Variants in AUTS2 observed in about 807,000 individuals in gnomAD.
AUTS2 encodes activator of transcription and developmental regulator AUTS2.
Under a neutral mutation model 112.4 loss-of-function variants are expected in AUTS2, and 17 were observed. That is an observed-to-expected ratio of 0.15 (90% confidence interval 0.10 to 0.23). The LOEUF (loss-of-function observed/expected upper bound fraction) is 0.23. Ranked by LOEUF, AUTS2 falls within the 10% of genes least tolerant of loss-of-function variation. The pLI is 1.00. For synonymous variants in AUTS2, 751 were observed against 702.7 expected (o/e 1.07, Z -1.09); for missense variants, 1,510 against 1,701.6 (o/e 0.89, Z 1.98).
intron 2 of AUTS2, among the ~76,000 whole-genome samples, chr7:70,038,574 A>G: frequency 6.6e-6 from 1 of 152,170 alleles, no homozygotes; most frequent in East Asian, 1.9e-4. Context: ...AGTTATAGGA[A>G]ATTTGCATGG....
In AUTS2 at chr7:69,649,231, C is replaced by T. The variant is rs183666705; in HGVS notation, c.309+49269C>T. Among the ~76,000 whole-genome samples, 78 of 152,298 alleles carry T rather than the reference C, an allele frequency of 5.1e-4. 1 individual carries two copies. In the East Asian group the frequency reaches 0.013, roughly 26 times the overall value. ...TTCCTGAGTAAGCTGGAAACCCTAA[C>T]AACAGCCAAAACAAAACAAAAACGG... On this transcript the variant is annotated intron_variant, in intron 1 of 18. Coordinates refer to ENST00000342771, the MANE Select transcript of AUTS2 (RefSeq NM_015570.4).
At chr7:69,945,834 T>C (rs1796788806) in intron 2 of AUTS2, among the ~76,000 whole-genome samples, 1 of 152,124 alleles carries the variant, frequency 6.6e-6, no homozygotes. Flanking sequence ...TCTGTTTTTA[T>C]GAGTTGGATT....
At chr7:70,771,761 G>T in intron 11 of AUTS2, 117 bp downstream of exon 11, 1 of 775,746 alleles carries the variant, frequency 1.3e-6, no homozygotes, top group Admixed American at 2.5e-5. Context: ...CAGGTCCTAA[G>T]TGACCACTGG....
Position 70,762,770 on chromosome 7 carries a change from G to A in AUTS2, c.743-100G>A, listed in dbSNP as rs528639453. 2.1e-4 allele frequency: 189 copies of A among 893,944 alleles called. 1 individual carries two copies. In the East Asian group the frequency reaches 3.8e-3, roughly 18 times the overall value. 55.4% of individuals were successfully genotyped at this position (893,944 alleles called of 1,614,324 possible). ...GCCAGGAGGGTTGGTGCCAGGTCCTGTTGCTGGAGTTGTGTGATAGCCTTG... is the reference window on the plus strand; with the variant it reads ...GCCAGGAGGGTTGGTGCCAGGTCCTATTGCTGGAGTTGTGTGATAGCCTTG... On this transcript the variant is annotated intron_variant, in intron 6 of 18. Transcript: ENST00000342771.
intron 5 of AUTS2, among the ~76,000 whole-genome samples, chr7:70,508,939 T>C (rs1394981487): frequency 6.6e-6 from 1 of 152,232 alleles, no homozygotes; most frequent in Non-Finnish European, 1.5e-5. Context: ...AGAATTTTTG[T>C]TCTCTCCAAA....
At chr7:70,544,648 G>C (rs912226391) in intron 5 of AUTS2, among the ~76,000 whole-genome samples, 3 of 152,100 alleles carry the variant, frequency 2.0e-5, no homozygotes, top group African/African-American at 4.8e-5. Flanking sequence ...GTCTTTCGTT[G>C]TTTTTTATTT....
intron 5 of AUTS2, among the ~76,000 whole-genome samples, chr7:70,629,562 A>C (rs1014565603): frequency 7.2e-5 from 11 of 151,954 alleles, no homozygotes; most frequent in African/African-American, 2.7e-4. Context: ...GCCTGAATCC[A>C]TCCCCTTGCC....
intron 4 of AUTS2, chr7:70,293,320 A>C (rs1010718884): frequency 1.3e-5 from 2 of 152,200 alleles, no homozygotes; most frequent in African/African-American, 2.4e-5. Flanking sequence ...GATACTAAGT[A>C]GTAGATAAGA....
intron 5 of AUTS2, among the ~76,000 whole-genome samples, chr7:70,514,329 C>T (rs906071176): frequency 3.9e-5 from 6 of 152,158 alleles, no homozygotes; most frequent in Admixed American, 3.9e-4. Flanking sequence ...AGACTGGGTA[C>T]TATCTAAAGA....
At chr7:69,634,924 A>T (rs1432057639) in intron 1 of AUTS2, among the ~76,000 whole-genome samples, 1 of 152,126 alleles carries the variant, frequency 6.6e-6, no homozygotes, top group Non-Finnish European at 1.5e-5. Flanking sequence ...CAAAGAGACT[A>T]TGAGTGTGTG....
At chr7:69,610,906 T>C (rs193284615) in intron 1 of AUTS2, among the ~76,000 whole-genome samples, 71 of 152,328 alleles carry the variant, frequency 4.7e-4, no homozygotes, top group Non-Finnish European at 8.5e-4. Flanking sequence ...TGCATTGTTA[T>C]TAGGGAAGTC....
At chr7:69,712,888 G>T (rs1466885567) in intron 1 of AUTS2, among the ~76,000 whole-genome samples, 2 of 152,152 alleles carry the variant, frequency 1.3e-5, no homozygotes, top group South Asian at 2.1e-4. Context: ...ACTTGATATA[G>T]TTGATATTGG....
At chr7:70,179,319 G>A (rs1417696052) in intron 4 of AUTS2, among the ~76,000 whole-genome samples, 1 of 152,204 alleles carries the variant, frequency 6.6e-6, no homozygotes, top group Non-Finnish European at 1.5e-5. Context: ...CTCAGGCCCT[G>A]AAGCATGAGT....
At chr7:70,417,296 T>C (rs1009254913) in intron 4 of AUTS2, among the ~76,000 whole-genome samples, 17 of 152,224 alleles carry the variant, frequency 1.1e-4, no homozygotes, top group African/African-American at 4.1e-4. Flanking sequence ...CATTTTGCAA[T>C]GTGACTATTC....
intron 5 of AUTS2, among the ~76,000 whole-genome samples, chr7:70,608,195 C>T (rs917829238): frequency 6.6e-6 from 1 of 152,132 alleles, no homozygotes; most frequent in Admixed American, 6.5e-5. Flanking sequence ...CCTCAACCTC[C>T]CAGGCTCAAG....
At chr7:70,280,472 A>AT (rs1173587834) in intron 4 of AUTS2, among the ~76,000 whole-genome samples, 12 of 76,622 alleles carry the variant, frequency 1.6e-4, no homozygotes, top group African/African-American at 5.7e-4. Context: ...TTTTTTTTGT[A>AT]TTTTTAGCAG....
chr7:70,380,748 G>A (rs1793330231), intron 4 of AUTS2, among the ~76,000 whole-genome samples: 1 of 152,360 alleles, frequency 6.6e-6, no homozygotes, highest in Admixed American at 6.5e-5. Context: ...ATTAAAAACA[G>A]GAGGGAGCAG....
intron 5 of AUTS2, among the ~76,000 whole-genome samples, chr7:70,693,151 A>G (rs1808843962): frequency 6.6e-6 from 1 of 152,182 alleles, no homozygotes. Flanking sequence ...TTAAAACTCC[A>G]GATGTTTTCA....
At chr7:70,254,556 G>T (rs1786759752) in intron 4 of AUTS2, among the ~76,000 whole-genome samples, 1 of 152,092 alleles carries the variant, frequency 6.6e-6, no homozygotes, top group Admixed American at 6.5e-5. Flanking sequence ...TGCTCTCACT[G>T]CTTGCTATCC....
Sources: allele counts gnomAD v4.1 joint callset (sites outside exome capture counted in the v4.1 genomes callset), GRCh38; gene constraint gnomAD v4.1.1; transcripts MANE v1.5; gene names NCBI Gene and HGNC (gene_info 2026-07-23, HGNC 2026-07-21).